PDCD10: variants seen among roughly 807,000 people sequenced by gnomAD.
The protein encoded by PDCD10 is programmed cell death protein 10.
Under a neutral mutation model 29.2 loss-of-function variants are expected in PDCD10, and 4 were observed. The ratio of observed to expected loss-of-function variants is 0.14; its 90% CI spans 0.07 to 0.31. The LOEUF is 0.31. PDCD10 is among the 10% of genes least tolerant of loss of function. PDCD10 has a pLI of 1.00. For missense variants in PDCD10, 183 were observed against 257.9 expected, an observed-to-expected ratio of 0.71 and a Z score of 1.99; for synonymous variants, 70 against 82.2, an observed-to-expected ratio of 0.85 and a Z score of 0.80.
chr3:167,728,937 G>A (rs753245906), intron 2 of PDCD10, among the ~76,000 whole-genome samples: 3 of 152,158 alleles, frequency 2.0e-5, no homozygotes, highest in African/African-American at 4.8e-5. Flanking sequence ...CCTACCCTAT[G>A]CAAGTTCAAC....
intron 3 of PDCD10, among the ~76,000 whole-genome samples, chr3:167,716,009 T>G (rs531744061): frequency 8.0e-4 from 121 of 152,040 alleles, no homozygotes; most frequent in Middle Eastern, 3.4e-3. Flanking sequence ...AGCCAAGATT[T>G]TGAAGCAACC....
At chr3:167,715,902 C>T (rs1253220967) in intron 3 of PDCD10, among the ~76,000 whole-genome samples, 1 of 151,870 alleles carries the variant, frequency 6.6e-6, no homozygotes, top group Admixed American at 6.6e-5. Flanking sequence ...CCTCTGGTAC[C>T]AGCAATCCCA....
At chr3:167,709,700 T>A (rs1722339111) in intron 3 of PDCD10, among the ~76,000 whole-genome samples, 1 of 152,098 alleles carries the variant, frequency 6.6e-6, no homozygotes, top group African/African-American at 2.4e-5. Context: ...AGTGTTGTGC[T>A]TAGAGCCAGT....
chr3:167,721,798 G>C (rs565470446), intron 2 of PDCD10, among the ~76,000 whole-genome samples: 1 of 152,240 alleles, frequency 6.6e-6, no homozygotes, highest in African/African-American at 2.4e-5. Context: ...TCATTCTATG[G>C]GGAAAAAGAA....
At chr3:167,686,430 C>T (rs1719633762) in intron 8 of PDCD10, among the ~76,000 whole-genome samples, 1 of 152,150 alleles carries the variant, frequency 6.6e-6, no homozygotes, top group Non-Finnish European at 1.5e-5. Flanking sequence ...GGCACTTTTA[C>T]AAAATATCTA....
At position 167,701,131 on chromosome 3, in the gene PDCD10, A is replaced by G. The variant is rs1721379079; in HGVS notation, c.150+3711T>C. Among the ~76,000 whole-genome samples, 4 of 152,264 alleles carry G rather than the reference A, an allele frequency of 2.6e-5. No individual in the cohort carries two copies. The South Asian group carries it at 8.3e-4, about 32-fold the overall frequency. On this transcript the variant is annotated intron_variant, in intron 4 of 8. Transcript: ENST00000392750. The stretch of plus-strand genomic sequence containing the variant: ...TGTGGTTGTACAAGAAGACCTAGAC[A>G]AAGAGAACCCTTGTTCTAGCCTGGT...
chr3:167,695,603 T>C lies in PDCD10; in HGVS notation c.388A>G (p.Thr130Ala). 1 of 1,613,440 alleles carries C rather than the reference T, an allele frequency of 6.2e-7. No homozygotes were observed. Among genetic ancestry groups the C allele is most frequent in the Non-Finnish European group, 8.5e-7 (1 of 1,179,334 alleles). ...AAACAAATAATTGCTTACTTGATTG[T>C]CTGCAGAAACCTCACTCTGTCATTG... ...EINDRVRFLQ[T>A]IKDIASAIKE... The change falls in exon 6 of 9, where the codon ACA becomes GCA. Residue 130 changes from threonine (T) to alanine (A), a missense_variant. Thr to Ala is a moderately conservative substitution (Grantham distance 58). Coordinates refer to ENST00000392750, the MANE Select transcript of PDCD10 (RefSeq NM_007217.4).
intron 6 of PDCD10, among the ~76,000 whole-genome samples, chr3:167,695,135 T>A (rs888767775): frequency 6.6e-6 from 1 of 152,224 alleles, no homozygotes; most frequent in Non-Finnish European, 1.5e-5. Context: ...CCATGAGTAT[T>A]CTTGGTCTTA....
chr3:167,707,935 A>C (rs984258531), intron 3 of PDCD10, among the ~76,000 whole-genome samples: 7 of 152,136 alleles, frequency 4.6e-5, no homozygotes, highest in Non-Finnish European at 1.5e-5. Flanking sequence ...AACATACTTC[A>C]TCTCTCCTAA....
intron 2 of PDCD10, among the ~76,000 whole-genome samples, chr3:167,726,616 A>T (rs1379059428): frequency 6.6e-6 from 1 of 152,184 alleles, no homozygotes; most frequent in Non-Finnish European, 1.5e-5. Flanking sequence ...ACTTCCCCAG[A>T]TTAAGAGTAC....
At chr3:167,714,003 C>T (rs1722768844) in intron 3 of PDCD10, among the ~76,000 whole-genome samples, 1 of 152,004 alleles carries the variant, frequency 6.6e-6, no homozygotes, top group East Asian at 1.9e-4. Context: ...CCTACTCAAA[C>T]TATTCCGAAA....
chr3:167,716,704 T>G (rs1174408012), intron 3 of PDCD10, among the ~76,000 whole-genome samples: 2 of 152,136 alleles, frequency 1.3e-5, no homozygotes, highest in East Asian at 3.9e-4. Flanking sequence ...CAGAAATAGC[T>G]GATTCAGATG....
At position 167,709,780 on chromosome 3, in the gene PDCD10, C is replaced by T. The variant is rs1367457782; in HGVS notation, c.97-4885G>A. ...CCAAGGGAATGGATGTGTCACTCCT[C>T]CCCCAGTCCCAGGCAGCAGAGCTCA... On this transcript the variant is annotated intron_variant, in intron 3 of 8. Transcript: ENST00000392750. 7.8e-5 allele frequency among the ~76,000 whole-genome samples: 10 copies of T among 128,576 alleles called. No individual in the cohort carries two copies. The Admixed American group carries it at 8.3e-4, about 11-fold the overall frequency. The allele number at this position is 128,576 out of a possible 152,430, so 84.4% of individuals were successfully genotyped here.
chr3:167,691,170 T>C (rs904011913), intron 6 of PDCD10, among the ~76,000 whole-genome samples: 3 of 152,202 alleles, frequency 2.0e-5, no homozygotes, highest in African/African-American at 7.2e-5. Flanking sequence ...TGTCAATTAA[T>C]AATGGTAAGA....
intron 2 of PDCD10, among the ~76,000 whole-genome samples, chr3:167,732,220 T>A (rs532930958): frequency 3.2e-4 from 48 of 152,308 alleles, no homozygotes; most frequent in African/African-American, 1.1e-3. Context: ...CAGTTACAAG[T>A]CACTTAACCA....
intron 4 of PDCD10, among the ~76,000 whole-genome samples, chr3:167,703,668 A>T (rs1328379982): frequency 6.6e-6 from 1 of 152,172 alleles, no homozygotes; most frequent in Non-Finnish European, 1.5e-5. Flanking sequence ...ACCATAATAT[A>T]TATTTGGGAT....
At chr3:167,697,769 A>T (rs546511418) in intron 4 of PDCD10, 1 of 289,404 alleles carries the variant, frequency 3.5e-6, no homozygotes, top group Non-Finnish European at 6.9e-6. Context: ...TTGAGTTTGC[A>T]TTGGTTCTAT....
At chr3:167,699,734 T>C (rs1721178977) in intron 4 of PDCD10, among the ~76,000 whole-genome samples, 1 of 152,146 alleles carries the variant, frequency 6.6e-6, no homozygotes, top group Admixed American at 6.5e-5. Context: ...TATCGGAACC[T>C]CTCATAGAGG....
At position 167,720,095 on chromosome 3, in the gene PDCD10, G is replaced by A. The variant is rs1364000150; in HGVS notation, c.63C>T (p.Pro21=). Residue 21 remains proline (P), a synonymous_variant, in exon 3 of 9, where the codon CCC becomes CCT. Transcript: ENST00000392750. ...EAETTSMVSM[P]LYAVMYPVFN... is the part of the protein sequence containing the mutation. ...ACACAGGATACATGACTGCATAGAG[G>A]GGCATAGAAACCATGGATGTGGTCT... 3.1e-6 allele frequency: 5 copies of A among 1,611,476 alleles called. No homozygotes were observed. Among genetic ancestry groups the A allele is most frequent in the African/African-American group, 1.3e-5 (1 of 74,804 alleles).
Sources: gnomAD v4.1 joint callset for allele counts (sites outside exome capture counted in the v4.1 genomes callset) on GRCh38, gnomAD v4.1.1 for gene constraint, MANE v1.5 for transcripts, NCBI Gene and HGNC (gene_info 2026-07-23, HGNC 2026-07-21) for gene names.